The following NADK2 variants were observed in gnomAD, a reference collection of about 807,000 sequenced individuals.
NADK2 encodes the protein NAD kinase domain-containing protein 1, mitochondrial.
NADK2 carries 35 observed loss-of-function variants against 62.1 expected under a neutral mutation model. The observed-to-expected ratio is 0.56, with a 90% CI of 0.43 to 0.75. The LOEUF (loss-of-function observed/expected upper bound fraction) is 0.75. Ranked by LOEUF, NADK2 falls within the 30% of genes least tolerant of loss-of-function variation. The pLI, the probability that NADK2 is intolerant of heterozygous loss-of-function variation, is 0.00. For missense variants in NADK2, 439 were observed against 561.3 expected, an observed-to-expected ratio of 0.78 and a Z score of 2.20; for synonymous variants, 205 against 207.9, an observed-to-expected ratio of 0.99 and a Z score of 0.12.
chr5:36,195,029 G>T lies in NADK2; in HGVS notation c.*115C>A. 9.4e-7 allele frequency: 1 copy of T among 1,065,658 alleles called. No individual in the cohort carries two copies. Among genetic ancestry groups the T allele is most frequent in the Non-Finnish European group, 1.3e-6 (1 of 748,548 alleles). 66.0% of individuals were successfully genotyped at this position (1,065,658 alleles called of 1,614,324 possible). On this transcript the variant is annotated 3_prime_UTR_variant, in exon 12 of 12. Coordinates refer to ENST00000381937, the MANE Select transcript of NADK2 (RefSeq NM_001085411.3). ...AGAATAATGCAAATCTCACTTCTGAGCCCACGGGCAAGCAGTCTCAACAAT... is the reference window on the plus strand; with the variant it reads ...AGAATAATGCAAATCTCACTTCTGATCCCACGGGCAAGCAGTCTCAACAAT...
At chr5:36,233,072 C>G (rs767549697) in intron 1 of NADK2, among the ~76,000 whole-genome samples, 3 of 152,168 alleles carry the variant, frequency 2.0e-5, no homozygotes, top group Non-Finnish European at 4.4e-5. Context: ...ATGTCCACAG[C>G]CAGTCAGTAG....
intron 4 of NADK2, among the ~76,000 whole-genome samples, chr5:36,220,181 G>A (rs1341103659): frequency 6.6e-6 from 1 of 152,130 alleles, no homozygotes; most frequent in Non-Finnish European, 1.5e-5. Flanking sequence ...AATCCTTTCT[G>A]AAATGTCATT....
Position 36,195,335 on chromosome 5 carries a change from T to C in NADK2, c.1191-53A>G, listed in dbSNP as rs1746192172. 8 of 1,515,542 alleles carry C rather than the reference T, an allele frequency of 5.3e-6. No individual in the cohort carries two copies. In the Admixed American group the frequency reaches 1.8e-4, roughly 33 times the overall value. 93.9% of individuals were successfully genotyped at this position (1,515,542 alleles called of 1,614,324 possible). A position where few individuals can be genotyped will look rare whatever the true frequency, so the allele number is the denominator to read the frequency against. ...TAGTAATAGTTTTCTTAATAGGTTA[T>C]TTTAATCCTGAATTTTAACCTAGCA... On this transcript the variant is annotated intron_variant, in intron 11 of 11. Transcript: ENST00000381937.
intron 10 of NADK2, among the ~76,000 whole-genome samples, chr5:36,198,765 C>T (rs1295020297): frequency 2.0e-5 from 3 of 151,594 alleles, no homozygotes; most frequent in Non-Finnish European, 4.4e-5. Flanking sequence ...GGTGCTAATT[C>T]ATGAACCATG....
chr5:36,200,116 G>A, intron 10 of NADK2, 111 bp downstream of exon 10: 1 of 609,380 alleles, frequency 1.6e-6, no homozygotes, highest in Admixed American at 3.0e-5. Flanking sequence ...TGTATTAAAA[G>A]CATGTTTGAG....
Position 36,241,770 on chromosome 5 carries a change from C to A in NADK2, c.29G>T (p.Gly10Val). Residue 10 changes from glycine (G) to valine (V), a missense_variant, in exon 1 of 12, where the codon GGC (glycine) becomes GTC (valine). By Grantham distance (109) the Gly-to-Val change is moderately radical. Coordinates refer to ENST00000381937, the MANE Select transcript of NADK2 (RefSeq NM_001085411.3). This position sits in a 1 kb window ranked among gnomAD's most constrained non-coding sequence, Gnocchi z 4.9. ...GCCGCCCGCCACGCGACAACAGCTG[C>A]CCAGCAAGAAGCCTCGGTAGCAAGT... Reference protein sequence around the residue: MTCYRGFLLGSCCRVAGGRA... With the variant: MTCYRGFLLVSCCRVAGGRA... 7.5e-7 allele frequency: 1 copy of A among 1,340,538 alleles called. No individual in the cohort carries two copies. 83.0% of individuals were successfully genotyped at this position (1,340,538 alleles called of 1,614,324 possible).
At position 36,195,064 on chromosome 5, in the gene NADK2, ATGT is replaced by A. The variant is rs1296844403; in HGVS notation, c.*77_*79del. On this transcript the variant is annotated 3_prime_UTR_variant, in exon 12 of 12. Coordinates refer to ENST00000381937, the MANE Select transcript of NADK2 (RefSeq NM_001085411.3). The stretch of plus-strand genomic sequence containing the variant: ...AAGCAGTCTCAACAATAACCAAAAA[ATGT>A]CACTTTACGACTGGTAGTCTGTTTC... 2.0e-6 allele frequency: 3 copies of A among 1,481,792 alleles called. No homozygotes were observed. Among genetic ancestry groups the A allele is most frequent in the African/African-American group, 2.9e-5 (2 of 70,098 alleles). The allele number at this position is 1,481,792 out of a possible 1,614,324, so 91.8% of individuals were successfully genotyped here.
In NADK2 at chr5:36,241,416, C is replaced by A; in HGVS notation, c.300+83G>T. 1 of 1,425,734 alleles carries A rather than the reference C, an allele frequency of 7.0e-7. No homozygotes were observed. The highest frequency in any genetic ancestry group is 1.4e-5 in the South Asian group (1 of 72,930). 88.3% of individuals were successfully genotyped at this position (1,425,734 alleles called of 1,614,324 possible). ...TGCGGTGCCCTGGGAAGAGTCGTCC[C>A]GAGAGGTCCCCCCGAGGGGGCGCAG... On this transcript the variant is annotated intron_variant, in intron 1 of 11. Coordinates refer to ENST00000381937, the MANE Select transcript of NADK2 (RefSeq NM_001085411.3). This position sits in a 1 kb window ranked among gnomAD's most constrained non-coding sequence, Gnocchi z 4.9.
intron 6 of NADK2, 84 bp from the exon 7 acceptor site, chr5:36,212,006 CTTTTA>C (rs1561062785): frequency 3.0e-6 from 3 of 1,003,640 alleles, no homozygotes; most frequent in Admixed American, 4.5e-5. Context: ...AACACTACAA[CTTTTA>C]TATTTTTGTT....
At chr5:36,211,676 A>C (rs1044828993) in intron 7 of NADK2, among the ~76,000 whole-genome samples, 168 bp downstream of exon 7, 3 of 152,224 alleles carry the variant, frequency 2.0e-5, no homozygotes, top group Admixed American at 6.5e-5. Flanking sequence ...TTTCCCCTTA[A>C]TACATATTAA....
chr5:36,234,171 G>A (rs1018886241), intron 1 of NADK2, among the ~76,000 whole-genome samples: 1 of 151,550 alleles, frequency 6.6e-6, no homozygotes, highest in African/African-American at 2.4e-5. Context: ...TCAGGAGATC[G>A]AGACCATCCT....
chr5:36,208,666 T>C (rs1746731095), intron 7 of NADK2: 1 of 1,533,494 alleles, frequency 6.5e-7, no homozygotes, highest in Non-Finnish European at 8.7e-7. Context: ...AATTGTCCAC[T>C]GCTACAGCCC....
At position 36,193,188 on chromosome 5, in the gene NADK2, G is replaced by C. The variant is rs903847330; in HGVS notation, c.*1956C>G. The C allele has an allele frequency of 6.6e-6, 1 of 152,076 alleles. No homozygotes were observed. Among genetic ancestry groups the C allele is most frequent in the Non-Finnish European group, 1.5e-5 (1 of 68,044 alleles). The allele number at this position is 152,076 out of a possible 1,614,324, so 9.4% of individuals were successfully genotyped here. A position where few individuals can be genotyped will look rare whatever the true frequency, so the allele number is the denominator to read the frequency against. ...GAGTTGGCATTTTTCCTTTAAGAAG[G>C]CATTTTAAGGCCGGGCATGGTGGCT... On this transcript the variant is annotated 3_prime_UTR_variant, in exon 12 of 12. Transcript: ENST00000381937.
Position 36,194,110 on chromosome 5 carries a change from A to T in NADK2, c.*1034T>A, listed in dbSNP as rs1461052507. On this transcript the variant is annotated 3_prime_UTR_variant, in exon 12 of 12. Coordinates refer to ENST00000381937, the MANE Select transcript of NADK2 (RefSeq NM_001085411.3). Reference sequence around the variant, plus strand: ...AGATAATAATTTCCTCCAAAAATAAAGGAATTCTCATGGGGAAAAAAAAAA... The same window carrying T: ...AGATAATAATTTCCTCCAAAAATAATGGAATTCTCATGGGGAAAAAAAAAA... 6.6e-6 allele frequency: 1 copy of T among 152,186 alleles called. No individual in the cohort carries two copies. The highest frequency in any genetic ancestry group is 1.5e-5 in the Non-Finnish European group (1 of 68,024). 9.4% of individuals were successfully genotyped at this position (152,186 alleles called of 1,614,324 possible). A position where few individuals can be genotyped will look rare whatever the true frequency, so the allele number is the denominator to read the frequency against.
At chr5:36,201,227 T>C in intron 8 of NADK2, 66 bp from the exon 9 acceptor site, 1 of 1,397,098 alleles carries the variant, frequency 7.2e-7, no homozygotes, top group Non-Finnish European at 1.0e-6. Flanking sequence ...CAAAAAGGAA[T>C]AACCTACTTA....
At chr5:36,212,620 G>C (rs1402736451) in intron 6 of NADK2, among the ~76,000 whole-genome samples, 2 of 152,012 alleles carry the variant, frequency 1.3e-5, no homozygotes, top group African/African-American at 4.8e-5. Context: ...TCTTTTATTA[G>C]TTTCCAACTG....
Position 36,194,888 on chromosome 5 carries a change from CT to C in NADK2, c.*255del. On this transcript the variant is annotated 3_prime_UTR_variant, in exon 12 of 12. Transcript: ENST00000381937. The stretch of plus-strand genomic sequence containing the variant: ...CTCTAAATTTAAAAAGGTATCAGCA[CT>C]CTTGGTTACCAATTGTAAGCAATAT... The C allele has an allele frequency of 2.9e-6, 1 of 343,842 alleles. No individual in the cohort carries two copies. The highest frequency in any genetic ancestry group is 5.2e-6 in the Non-Finnish European group (1 of 192,100). The allele number at this position is 343,842 out of a possible 1,614,324, so 21.3% of individuals were successfully genotyped here.
intron 6 of NADK2, among the ~76,000 whole-genome samples, chr5:36,215,714 T>C (rs965264205): frequency 1.3e-5 from 2 of 152,218 alleles, no homozygotes; most frequent in Non-Finnish European, 2.9e-5. Flanking sequence ...TTTCTATGCT[T>C]GACTTATTTC....
At chr5:36,213,618 C>CATATATATAGATATATATATATATATAT (rs1554008785) in intron 6 of NADK2, among the ~76,000 whole-genome samples, 2 of 107,536 alleles carry the variant, frequency 1.9e-5, no homozygotes, top group African/African-American at 5.9e-5. Context: ...TATATGCATG[C>CATATATATAGATATATATATATATATAT]ATATATATAT....
Sources: allele counts gnomAD v4.1 joint callset (sites outside exome capture counted in the v4.1 genomes callset), GRCh38; gene constraint gnomAD v4.1.1; non-coding constraint Gnocchi (gnomAD v3.1); transcripts MANE v1.5; gene names NCBI Gene and HGNC (gene_info 2026-07-23, HGNC 2026-07-21).